MAF: variants seen among roughly 807,000 people sequenced by gnomAD.
MAF encodes the protein MAF bZIP transcription factor.
Under a neutral mutation model 22.0 loss-of-function variants are expected in MAF, and 10 were observed. The ratio of observed to expected loss-of-function variants is 0.45; its 90% CI spans 0.28 to 0.77. The LOEUF is 0.77. Ranked by LOEUF, MAF falls within the 30% of genes least tolerant of loss-of-function variation. The pLI is 0.12. For synonymous variants in MAF, 337 were observed against 255.8 expected (o/e 1.32, Z -3.03); for missense variants, 544 against 548.4 (o/e 0.99, Z 0.08).
chr16:79,375,127 G>T, the MAF span, among the ~76,000 whole-genome samples: 1 of 152,162 alleles, frequency 6.6e-6, no homozygotes, highest in Admixed American at 6.5e-5. Context: ...GACTACACAA[G>T]GTAAAGGAAT....
At chr16:79,220,770 G>C in the MAF span, among the ~76,000 whole-genome samples, 1 of 152,180 alleles carries the variant, frequency 6.6e-6, no homozygotes, top group African/African-American at 2.4e-5. Flanking sequence ...CTTTTTCTGT[G>C]CTGCCTACAC....
At chr16:79,578,245 T>G in the MAF span, among the ~76,000 whole-genome samples, 1 of 152,200 alleles carries the variant, frequency 6.6e-6, no homozygotes, top group Non-Finnish European at 1.5e-5. Flanking sequence ...ATTTACAGAA[T>G]ACATTGATTT....
the MAF span, among the ~76,000 whole-genome samples, chr16:79,446,110 G>C: frequency 2.0e-5 from 3 of 152,188 alleles, no homozygotes; most frequent in Non-Finnish European, 2.9e-5. Context: ...GACGGGCAGA[G>C]GGGAAAGGAG....
At chr16:79,572,500 G>A in the MAF span, among the ~76,000 whole-genome samples, 1 of 152,182 alleles carries the variant, frequency 6.6e-6, no homozygotes, top group African/African-American at 2.4e-5. Flanking sequence ...CTTTTATCTG[G>A]TGGAGAGCTC....
chr16:79,341,901 G>C, the MAF span, among the ~76,000 whole-genome samples: 2 of 152,198 alleles, frequency 1.3e-5, no homozygotes, highest in Non-Finnish European at 2.9e-5. Flanking sequence ...GAACAGAACA[G>C]GGATGATGTT....
intron 1 of MAF, chr16:79,595,475 A>T: frequency 9.4e-7 from 1 of 1,058,844 alleles, no homozygotes; most frequent in Admixed American, 5.4e-5. Context: ...CTGTATTTTC[A>T]AAACAGTGCT....
chr16:79,344,550 G>A, the MAF span, among the ~76,000 whole-genome samples: 1 of 152,132 alleles, frequency 6.6e-6, no homozygotes, highest in African/African-American at 2.4e-5. Context: ...AGATAGATAG[G>A]TTTCCACGTC....
At chr16:79,350,677 C>A in the MAF span, among the ~76,000 whole-genome samples, 2 of 152,150 alleles carry the variant, frequency 1.3e-5, no homozygotes, top group Admixed American at 1.3e-4. Flanking sequence ...GAGGGCAGAG[C>A]CACAAGATAG....
the MAF span, among the ~76,000 whole-genome samples, chr16:79,501,285 G>A: frequency 6.6e-6 from 1 of 152,130 alleles, no homozygotes; most frequent in South Asian, 2.1e-4. Flanking sequence ...CTTTGTGTTT[G>A]CTCCTCTTCT....
downstream of MAF, among the ~76,000 whole-genome samples, chr16:79,591,910 C>T (rs1913211089): frequency 6.6e-6 from 1 of 152,152 alleles, no homozygotes; most frequent in African/African-American, 2.4e-5. Context: ...TTCCTCAAAT[C>T]TCTCCATTTG....
the MAF span, among the ~76,000 whole-genome samples, chr16:79,499,376 T>C: frequency 2.0e-5 from 3 of 152,156 alleles, no homozygotes; most frequent in African/African-American, 4.8e-5. Context: ...GGACTCTCAA[T>C]GACAACTCCA....
chr16:79,544,999 C>T, the MAF span, among the ~76,000 whole-genome samples: 2 of 152,196 alleles, frequency 1.3e-5, no homozygotes, highest in African/African-American at 4.8e-5. Context: ...TGAACTCAAG[C>T]AATCTTGGGT....
the MAF span, among the ~76,000 whole-genome samples, chr16:79,393,337 T>C: frequency 9.2e-5 from 14 of 152,276 alleles, no homozygotes; most frequent in South Asian, 2.9e-3. Context: ...CTAATTTCCA[T>C]GGTTGGCGAA....
the MAF span, among the ~76,000 whole-genome samples, chr16:79,352,244 C>T: frequency 6.6e-6 from 1 of 152,188 alleles, no homozygotes; most frequent in Non-Finnish European, 1.5e-5. Flanking sequence ...AGAATAATGT[C>T]ACGGGGAGAC....
the MAF span, among the ~76,000 whole-genome samples, chr16:79,313,521 C>T: frequency 6.6e-6 from 1 of 152,124 alleles, no homozygotes; most frequent in Non-Finnish European, 1.5e-5. Flanking sequence ...GAGAACAACC[C>T]CTATCATTTT....
chr16:79,571,417 T>G, the MAF span, among the ~76,000 whole-genome samples: 1 of 151,988 alleles, frequency 6.6e-6, no homozygotes, highest in African/African-American at 2.4e-5. Flanking sequence ...CCTAAATTTA[T>G]GGAGGTGGTA....
At chr16:79,221,748 A>C in the MAF span, among the ~76,000 whole-genome samples, 29 of 149,654 alleles carry the variant, frequency 1.9e-4, no homozygotes, top group East Asian at 5.7e-3. Context: ...CGTATACGTG[A>C]TTGTGTGTGT....
chr16:79,225,617 A>C, the MAF span, among the ~76,000 whole-genome samples: 2 of 152,214 alleles, frequency 1.3e-5, no homozygotes, highest in African/African-American at 4.8e-5. Flanking sequence ...AAATTTTTGC[A>C]ATCTATCCAT....
At chr16:79,406,499 T>C in the MAF span, among the ~76,000 whole-genome samples, 1 of 152,156 alleles carries the variant, frequency 6.6e-6, no homozygotes, top group Non-Finnish European at 1.5e-5. Flanking sequence ...AGATGGTGCC[T>C]TCAAGCCATG....
Sources: gnomAD v4.1 joint callset for allele counts (sites outside exome capture counted in the v4.1 genomes callset) on GRCh38, gnomAD v4.1.1 for gene constraint, MANE v1.5 for transcripts, NCBI Gene and HGNC (gene_info 2026-07-23, HGNC 2026-07-21) for gene names.